SGCZ: variants seen among roughly 807,000 people sequenced by gnomAD.
The protein encoded by SGCZ is sarcoglycan zeta.
A neutral mutation model predicts 41.3 loss-of-function variants in SGCZ; 40 were observed. That is an observed-to-expected ratio of 0.97 (90% confidence interval 0.75 to 1.26). SGCZ has a LOEUF of 1.26. SGCZ is among the 50% of genes most tolerant of loss of function. The pLI, the probability that SGCZ is intolerant of heterozygous loss-of-function variation, is 0.00. For synonymous variants in SGCZ, 206 were observed against 137.5 expected (o/e 1.50, Z -3.49); for missense variants, 552 against 369.8 (o/e 1.49, Z -4.04).
chr8:14,623,727 A>T (rs1273784615), intron 1 of SGCZ, among the ~76,000 whole-genome samples: 2 of 152,104 alleles, frequency 1.3e-5, no homozygotes, highest in Non-Finnish European at 2.9e-5. Flanking sequence ...TCTTTCATGC[A>T]TTTTCCGCCT....
chr8:15,225,988 A>G (rs1444478183), intron 1 of SGCZ, among the ~76,000 whole-genome samples: 1 of 152,204 alleles, frequency 6.6e-6, no homozygotes, highest in Non-Finnish European at 1.5e-5. Flanking sequence ...TGTAACCCCC[A>G]TAGAACAGCT....
chr8:14,183,289 TACACAC>T (rs35770709), intron 4 of SGCZ, among the ~76,000 whole-genome samples: 10 of 150,056 alleles, frequency 6.7e-5, no homozygotes, highest in African/African-American at 1.7e-4. Context: ...TTTTTACATG[TACACAC>T]ACACACACAC....
chr8:15,233,936 A>G (rs1335591848), intron 1 of SGCZ, among the ~76,000 whole-genome samples: 1 of 152,208 alleles, frequency 6.6e-6, no homozygotes, highest in African/African-American at 2.4e-5. Flanking sequence ...TTGATCTCAA[A>G]GCAAATAACA....
intron 2 of SGCZ, 83 bp downstream of exon 2, chr8:14,554,649 C>T (rs1293186976): frequency 7.1e-6 from 8 of 1,129,188 alleles, no homozygotes; most frequent in Admixed American, 2.6e-5. Context: ...ATATGAATAA[C>T]TTTTGATTAA....
At chr8:14,230,483 T>C (rs1049635024) in intron 4 of SGCZ, among the ~76,000 whole-genome samples, 1 of 152,094 alleles carries the variant, frequency 6.6e-6, no homozygotes, top group Non-Finnish European at 1.5e-5. Flanking sequence ...CCTGGAGTAA[T>C]GTACATAAGG....
At chr8:15,195,660 A>G (rs1345468574) in intron 1 of SGCZ, among the ~76,000 whole-genome samples, 1 of 152,162 alleles carries the variant, frequency 6.6e-6, no homozygotes, top group East Asian at 1.9e-4. Flanking sequence ...TAAGGCAACT[A>G]AACGTCTCTC....
chr8:14,283,916 T>A (rs1031893156), intron 3 of SGCZ, among the ~76,000 whole-genome samples: 1 of 152,226 alleles, frequency 6.6e-6, no homozygotes, highest in African/African-American at 2.4e-5. Flanking sequence ...GTAGAATTTG[T>A]TCTTGTTTAA....
chr8:14,453,482 T>C (rs1352862610), intron 2 of SGCZ, among the ~76,000 whole-genome samples: 1 of 152,180 alleles, frequency 6.6e-6, no homozygotes, highest in Non-Finnish European at 1.5e-5. Context: ...TATTTACAAA[T>C]AAGTTGGATT....
intron 1 of SGCZ, among the ~76,000 whole-genome samples, chr8:14,809,520 A>G (rs1257270661): frequency 6.6e-6 from 1 of 152,158 alleles, no homozygotes; most frequent in Admixed American, 6.5e-5. Flanking sequence ...AAAATTACCA[A>G]TTCTCCATTT....
At chr8:14,660,693 C>A (rs1459366473) in intron 1 of SGCZ, among the ~76,000 whole-genome samples, 1 of 151,564 alleles carries the variant, frequency 6.6e-6, no homozygotes, top group Non-Finnish European at 1.5e-5. Context: ...GAAGAGAGAC[C>A]AGTGAAATAA....
intron 1 of SGCZ, among the ~76,000 whole-genome samples, chr8:15,118,892 T>C (rs964432267): frequency 5.9e-5 from 9 of 152,160 alleles, no homozygotes; most frequent in Non-Finnish European, 1.0e-4. Flanking sequence ...TAAAGGAGTA[T>C]AGACACGTTC....
chr8:14,746,846 G>A (rs965486629), intron 1 of SGCZ, among the ~76,000 whole-genome samples: 5 of 152,058 alleles, frequency 3.3e-5, no homozygotes, highest in East Asian at 1.9e-4. Flanking sequence ...GTATACAGAC[G>A]TAATGTTTTT....
chr8:14,795,631 A>C (rs1801097930), intron 1 of SGCZ, among the ~76,000 whole-genome samples: 1 of 152,096 alleles, frequency 6.6e-6, no homozygotes, highest in Admixed American at 6.5e-5. Flanking sequence ...CCTCATATTA[A>C]AATGCAAAAC....
At chr8:14,219,196 CAAG>C (rs1360697188) in intron 4 of SGCZ, among the ~76,000 whole-genome samples, 2 of 152,108 alleles carry the variant, frequency 1.3e-5, no homozygotes, top group South Asian at 2.1e-4. Context: ...GTGGATGGAC[CAAG>C]AAGAAGCTCC....
chr8:14,300,035 G>T (rs766766979), intron 3 of SGCZ, among the ~76,000 whole-genome samples: 16 of 152,014 alleles, frequency 1.1e-4, no homozygotes, highest in Admixed American at 3.9e-4. Flanking sequence ...ATTGATCTAT[G>T]GTTTTGTAAG....
intron 1 of SGCZ, among the ~76,000 whole-genome samples, chr8:15,202,168 T>C (rs531505972): frequency 6.6e-6 from 1 of 152,280 alleles, no homozygotes; most frequent in Admixed American, 6.5e-5. Flanking sequence ...AAAGGAGGAA[T>C]CTAAATGTGA....
At chr8:14,381,804 A>T (rs568562255) in intron 2 of SGCZ, among the ~76,000 whole-genome samples, 2 of 152,012 alleles carry the variant, frequency 1.3e-5, no homozygotes, top group East Asian at 1.9e-4. Context: ...AACAAAAAAC[A>T]AAAAACAAAC....
At chr8:14,226,465 T>A (rs1806377458) in intron 4 of SGCZ, among the ~76,000 whole-genome samples, 1 of 152,040 alleles carries the variant, frequency 6.6e-6, no homozygotes, top group Non-Finnish European at 1.5e-5. Context: ...TTTAAGAACG[T>A]CATATAAATG....
At chr8:14,380,264 C>A (rs1279710092) in intron 2 of SGCZ, among the ~76,000 whole-genome samples, 1 of 152,106 alleles carries the variant, frequency 6.6e-6, no homozygotes, top group Non-Finnish European at 1.5e-5. Flanking sequence ...ACTGTCACAT[C>A]CATTGATGTT....
Sources: gnomAD v4.1 joint callset for allele counts (sites outside exome capture counted in the v4.1 genomes callset) on GRCh38, gnomAD v4.1.1 for gene constraint, MANE v1.5 for transcripts, NCBI Gene and HGNC (gene_info 2026-07-23, HGNC 2026-07-21) for gene names.